MAP4K5: variants seen among roughly 807,000 people sequenced by gnomAD.
MAP4K5 encodes mitogen-activated protein kinase kinase kinase kinase 5.
A neutral mutation model predicts 135.6 loss-of-function variants in MAP4K5; 82 were observed. The observed-to-expected ratio is 0.60, with a 90% CI of 0.51 to 0.73. The LOEUF (loss-of-function observed/expected upper bound fraction) is 0.73. MAP4K5 is among the 30% of genes least tolerant of loss of function. MAP4K5 has a pLI of 0.00. For synonymous variants in MAP4K5, 347 were observed against 335.0 expected (o/e 1.04, Z -0.39); for missense variants, 907 against 1,010.9 (o/e 0.90, Z 1.39).
chr14:50,455,858 C>T (rs1433217772), intron 14 of MAP4K5, among the ~76,000 whole-genome samples: 1 of 152,012 alleles, frequency 6.6e-6, no homozygotes, highest in Non-Finnish European at 1.5e-5. Context: ...AACGTCTTTA[C>T]GAATCTGTAG....
intron 2 of MAP4K5, among the ~76,000 whole-genome samples, chr14:50,518,394 C>T (rs1398369002): frequency 6.6e-6 from 1 of 152,144 alleles, no homozygotes; most frequent in East Asian, 1.9e-4. Context: ...TACTTCTCCT[C>T]ACCCCCCACC....
At chr14:50,514,431 A>C (rs2037991096) in intron 2 of MAP4K5, among the ~76,000 whole-genome samples, 2 of 152,208 alleles carry the variant, frequency 1.3e-5, no homozygotes, top group African/African-American at 4.8e-5. Context: ...ATTACTTAAT[A>C]CTTACTATGT....
At chr14:50,428,860 A>G in intron 29 of MAP4K5, 106 bp from the exon 30 acceptor site, 1 of 681,016 alleles carries the variant, frequency 1.5e-6, no homozygotes, top group Non-Finnish European at 2.5e-6. Flanking sequence ...TTCTTAATAA[A>G]GTTCAACTAT....
At chr14:50,487,594 CA>C (rs1335974704) in intron 3 of MAP4K5, among the ~76,000 whole-genome samples, 1 of 152,186 alleles carries the variant, frequency 6.6e-6, no homozygotes, top group African/African-American at 2.4e-5. Flanking sequence ...ATACCTTAAA[CA>C]TAAGTGTACG....
chr14:50,484,661 G>A (rs539994348), intron 5 of MAP4K5, among the ~76,000 whole-genome samples: 74 of 152,136 alleles, frequency 4.9e-4, no homozygotes, highest in African/African-American at 1.6e-3. Context: ...TTTAAGTGCC[G>A]CACAGTATTC....
At chr14:50,542,345 C>T (rs990216423) in intron 2 of MAP4K5, among the ~76,000 whole-genome samples, 4 of 151,864 alleles carry the variant, frequency 2.6e-5, no homozygotes, top group African/African-American at 7.3e-5. Context: ...CTAATGCATA[C>T]GGGACTTAAA....
rs377135460 is a variant in MAP4K5 at position 50,448,855 on chromosome 14, G to T, written c.1016-23C>A. On this transcript the variant is annotated intron_variant, in intron 14 of 32. Transcript: ENST00000682126. ...CAACTGCAAAATATATAACAGGTAT[G>T]TACAAACTCAGCATCTCAAAGGGTT... is the stretch of plus-strand genomic sequence containing the variant. 4 of 1,247,778 alleles carry T rather than the reference G, an allele frequency of 3.2e-6. No individual in the cohort carries two copies. In the Admixed American group the frequency reaches 8.7e-5, roughly 27 times the overall value. The allele number at this position is 1,247,778 out of a possible 1,614,324, so 77.3% of individuals were successfully genotyped here.
chr14:50,429,145 G>A (rs1318668919), intron 29 of MAP4K5, 47 bp downstream of exon 29: 1 of 1,000,492 alleles, frequency 1.0e-6, no homozygotes, highest in South Asian at 1.8e-5. Flanking sequence ...TAAAAAAATT[G>A]CTTTATCAAG....
chr14:50,422,689 A>C (rs1307308302), intron 32 of MAP4K5, among the ~76,000 whole-genome samples: 1 of 152,158 alleles, frequency 6.6e-6, no homozygotes, highest in Non-Finnish European at 1.5e-5. Context: ...TTTGGGGTAA[A>C]AAGAGACCAT....
intron 2 of MAP4K5, among the ~76,000 whole-genome samples, chr14:50,514,308 C>T (rs2037988428): frequency 1.3e-5 from 2 of 151,976 alleles, no homozygotes; most frequent in South Asian, 4.1e-4. Context: ...GTCTCAAATT[C>T]CTTACCTCAA....
intron 3 of MAP4K5, among the ~76,000 whole-genome samples, chr14:50,495,183 G>A (rs2037567239): frequency 6.6e-6 from 1 of 152,154 alleles, no homozygotes; most frequent in Non-Finnish European, 1.5e-5. Context: ...TCTAAGAAGG[G>A]TTTAATACCC....
intron 10 of MAP4K5, among the ~76,000 whole-genome samples, chr14:50,467,418 CAT>C (rs2036857079): frequency 6.6e-6 from 1 of 152,062 alleles, no homozygotes; most frequent in Admixed American, 6.5e-5. Flanking sequence ...CTCTTTAAAA[CAT>C]TTTTCTAATC....
intron 1 of MAP4K5, among the ~76,000 whole-genome samples, chr14:50,548,489 A>T (rs140332512): frequency 1.3e-5 from 2 of 152,262 alleles, no homozygotes; most frequent in South Asian, 2.1e-4. Context: ...TGGGAATGGT[A>T]ACTGTAGGGT....
At chr14:50,457,838 G>A (rs1205326740) in intron 13 of MAP4K5, among the ~76,000 whole-genome samples, 1 of 152,042 alleles carries the variant, frequency 6.6e-6, no homozygotes, top group Non-Finnish European at 1.5e-5. Context: ...TCCTTATCCA[G>A]TTTATGTCTG....
intron 29 of MAP4K5, 32 bp from the exon 30 acceptor site, chr14:50,428,786 A>G: frequency 1.0e-6 from 1 of 994,096 alleles, no homozygotes; most frequent in Non-Finnish European, 1.5e-6. Context: ...AAGACTGGAC[A>G]TGCAAATCTG....
intron 9 of MAP4K5, among the ~76,000 whole-genome samples, chr14:50,474,275 A>C (rs897679243): frequency 2.6e-5 from 4 of 151,966 alleles, no homozygotes; most frequent in African/African-American, 9.7e-5. Context: ...CTGTAGTCTC[A>C]GCTATTTCGG....
intron 3 of MAP4K5, among the ~76,000 whole-genome samples, chr14:50,499,925 T>C (rs181985662): frequency 6.6e-6 from 1 of 152,308 alleles, no homozygotes; most frequent in East Asian, 1.9e-4. Flanking sequence ...CAGCAAGTTA[T>C]CTACCAGGGG....
chr14:50,558,393 C>A (rs995883772), intron 1 of MAP4K5, among the ~76,000 whole-genome samples: 3 of 152,094 alleles, frequency 2.0e-5, no homozygotes, highest in Admixed American at 1.3e-4. Context: ...GATTTTAAAG[C>A]CTCCATTTAA....
chr14:50,552,502 A>T (rs926041854), intron 1 of MAP4K5, among the ~76,000 whole-genome samples: 1 of 152,196 alleles, frequency 6.6e-6, no homozygotes, highest in African/African-American at 2.4e-5. Flanking sequence ...TCTTCACAGA[A>T]CTAGAAAAAT....
Sources: allele counts gnomAD v4.1 joint callset (sites outside exome capture counted in the v4.1 genomes callset), GRCh38; gene constraint gnomAD v4.1.1; transcripts MANE v1.5; gene names NCBI Gene and HGNC (gene_info 2026-07-23, HGNC 2026-07-21).